The following CLYBL variants were observed in gnomAD, a reference collection of about 807,000 sequenced individuals.
CLYBL encodes the protein citramalyl-CoA lyase, mitochondrial.
Under a neutral mutation model 38.9 loss-of-function variants are expected in CLYBL, and 31 were observed. The ratio of observed to expected loss-of-function variants is 0.80; its 90% confidence interval spans 0.60 to 1.08. The LOEUF is 1.08. Ranked by LOEUF, CLYBL falls within the 50% of genes least tolerant of loss-of-function variation. The pLI is 0.00. For synonymous variants in CLYBL, 171 were observed against 158.6 expected (o/e 1.08, Z -0.59); for missense variants, 434 against 411.6 (o/e 1.05, Z -0.47).
At chr13:99,796,381 A>G (rs1594188634) in intron 2 of CLYBL, among the ~76,000 whole-genome samples, 1 of 152,130 alleles carries the variant, frequency 6.6e-6, no homozygotes, top group African/African-American at 2.4e-5. Flanking sequence ...CCTTCCTAAG[A>G]GGGCCAGGCT....
chr13:99,675,982 T>G (rs1255079659), intron 1 of CLYBL, among the ~76,000 whole-genome samples: 3 of 152,222 alleles, frequency 2.0e-5, no homozygotes, highest in Non-Finnish European at 4.4e-5. Context: ...GCCCCCCAAG[T>G]AGCTGGGATC....
At chr13:99,863,774 C>T (rs1386788593) in intron 4 of CLYBL, among the ~76,000 whole-genome samples, 3 of 152,144 alleles carry the variant, frequency 2.0e-5, no homozygotes, top group Non-Finnish European at 4.4e-5. Context: ...ACCTGACCTG[C>T]GAACATCAAT....
chr13:99,637,706 T>C (rs1390704105), intron 1 of CLYBL, among the ~76,000 whole-genome samples: 2 of 152,154 alleles, frequency 1.3e-5, no homozygotes, highest in Admixed American at 6.5e-5. Flanking sequence ...TGCGGTGAGC[T>C]GAGATCGCGC....
chr13:99,866,947 C>A (rs2051763138), intron 6 of CLYBL, among the ~76,000 whole-genome samples: 1 of 152,304 alleles, frequency 6.6e-6, no homozygotes, highest in South Asian at 2.1e-4. Context: ...CACCTACGGG[C>A]ATAGGCTGGC....
Position 99,866,227 on chromosome 13 carries a change from A to G in CLYBL, c.635-13A>G. 1 of 1,612,084 alleles carries G rather than the reference A, an allele frequency of 6.2e-7. No homozygotes were observed. The highest frequency in any genetic ancestry group is 1.8e-4 in the Middle Eastern group (1 of 5,562). On this transcript the variant is annotated splice_polypyrimidine_tract_variant and intron_variant, in intron 5 of 8. Coordinates refer to ENST00000339105, the MANE Select transcript of CLYBL (RefSeq NM_206808.5). ...GTTAAAGCCTCCTTTTTCTGTTAACATCCCATTTTCAGGTGCAACAAGTAG... is the reference window on the plus strand; with the variant it reads ...GTTAAAGCCTCCTTTTTCTGTTAACGTCCCATTTTCAGGTGCAACAAGTAG...
intron 1 of CLYBL, among the ~76,000 whole-genome samples, chr13:99,742,996 A>G (rs2048782634): frequency 6.7e-6 from 1 of 149,308 alleles, no homozygotes; most frequent in Non-Finnish European, 1.5e-5. Context: ...AATTTGCACT[A>G]GAAGAGGGTA....
rs545778741 is a variant in CLYBL at position 99,865,800 on chromosome 13, A to C, written c.635-440A>C. Among the ~76,000 whole-genome samples the C allele has an allele frequency of 2.0e-5, 3 of 152,156 alleles. No homozygotes were observed. Among genetic ancestry groups the C allele is most frequent in the Admixed American group, 1.3e-4 (2 of 15,284 alleles). On this transcript the variant is annotated intron_variant, in intron 5 of 8. Coordinates refer to ENST00000339105, the MANE Select transcript of CLYBL (RefSeq NM_206808.5). This position sits in a 1 kb window ranked among gnomAD's most constrained non-coding sequence, Gnocchi z 4.7. Reference sequence around the variant, plus strand: ...GCTGAAGCATTTGGCTCAGAACTTCAGTTTGGACAGGGCAATCGCAGCACA... The same window carrying C: ...GCTGAAGCATTTGGCTCAGAACTTCCGTTTGGACAGGGCAATCGCAGCACA...
chr13:99,660,508 GC>G (rs1347051315), intron 1 of CLYBL, among the ~76,000 whole-genome samples: 3 of 152,036 alleles, frequency 2.0e-5, no homozygotes, highest in Non-Finnish European at 4.4e-5. Flanking sequence ...ATTTAGAGTT[GC>G]CCCTGCATCT....
intron 1 of CLYBL, among the ~76,000 whole-genome samples, chr13:99,744,536 T>G (rs1042124550): frequency 2.0e-5 from 3 of 152,078 alleles, no homozygotes; most frequent in African/African-American, 7.2e-5. Context: ...GGGACTGGTT[T>G]TGGGATGTGC....
chr13:99,663,943 C>CT (rs1466089074), intron 1 of CLYBL, among the ~76,000 whole-genome samples: 1 of 152,200 alleles, frequency 6.6e-6, no homozygotes, highest in Non-Finnish European at 1.5e-5. Context: ...TTTAATGAAA[C>CT]TTTAACAATC....
intron 1 of CLYBL, among the ~76,000 whole-genome samples, chr13:99,699,380 C>T (rs543401643): frequency 2.0e-5 from 3 of 150,504 alleles, no homozygotes; most frequent in Admixed American, 6.6e-5. Flanking sequence ...AGCGAAACTC[C>T]GGTCTCTAAA....
At chr13:99,637,071 G>T (rs1358173924) in intron 1 of CLYBL, among the ~76,000 whole-genome samples, 1 of 152,134 alleles carries the variant, frequency 6.6e-6, no homozygotes, top group African/African-American at 2.4e-5. Context: ...GTAGAGACGG[G>T]ATTTCGCCAT....
chr13:99,695,595 C>A (rs1459667606), intron 1 of CLYBL, among the ~76,000 whole-genome samples: 1 of 152,182 alleles, frequency 6.6e-6, no homozygotes, highest in Non-Finnish European at 1.5e-5. Flanking sequence ...TCTTGGCTCA[C>A]TGCAACCTCC....
At chr13:99,755,535 G>A (rs377494510) in intron 1 of CLYBL, among the ~76,000 whole-genome samples, 44 of 152,218 alleles carry the variant, frequency 2.9e-4, no homozygotes, top group African/African-American at 9.6e-4. Flanking sequence ...TGATATGGGC[G>A]CCCTCACTCC....
chr13:99,696,231 G>T (rs2047977308), intron 1 of CLYBL, among the ~76,000 whole-genome samples: 1 of 151,368 alleles, frequency 6.6e-6, no homozygotes. Flanking sequence ...CCATGTCAGA[G>T]ACTTTTTTTT....
chr13:99,615,098 A>C (rs1396792699), intron 1 of CLYBL, among the ~76,000 whole-genome samples: 1 of 152,226 alleles, frequency 6.6e-6, no homozygotes, highest in Non-Finnish European at 1.5e-5. Flanking sequence ...GGACATAGAC[A>C]TGGCTGTGGG....
At chr13:99,854,952 G>A (rs2051423443) in intron 2 of CLYBL, among the ~76,000 whole-genome samples, 1 of 152,162 alleles carries the variant, frequency 6.6e-6, no homozygotes, top group Middle Eastern at 3.2e-3. Context: ...AATATCGATT[G>A]AATGCGGCAA....
chr13:99,657,065 T>A (rs1020485870), intron 1 of CLYBL, among the ~76,000 whole-genome samples: 3 of 152,218 alleles, frequency 2.0e-5, no homozygotes, highest in Non-Finnish European at 4.4e-5. Flanking sequence ...TGCGTGGACA[T>A]CTTGGGGAGC....
intron 1 of CLYBL, among the ~76,000 whole-genome samples, chr13:99,709,377 C>A (rs1456853609): frequency 6.6e-6 from 1 of 152,144 alleles, no homozygotes; most frequent in Non-Finnish European, 1.5e-5. Flanking sequence ...GTCACAGCAG[C>A]CCTGGCCGAA....
Sources: allele counts gnomAD v4.1 joint callset (sites outside exome capture counted in the v4.1 genomes callset), GRCh38; gene constraint gnomAD v4.1.1; non-coding constraint Gnocchi (gnomAD v3.1); transcripts MANE v1.5; gene names NCBI Gene and HGNC (gene_info 2026-07-23, HGNC 2026-07-21).